The following FAT3 variants were observed in gnomAD, a reference collection of about 807,000 sequenced individuals.
The protein encoded by FAT3 is protocadherin Fat 3.
Under a neutral mutation model 310.2 loss-of-function variants are expected in FAT3, and 95 were observed. The ratio of observed to expected loss-of-function variants is 0.31; its 90% CI spans 0.26 to 0.36. FAT3 has a LOEUF of 0.36. FAT3 is among the 10% of genes least tolerant of loss of function. The pLI is 1.00. For missense variants in FAT3, 5,408 were observed against 5,715.6 expected (o/e 0.95, Z 1.74); for synonymous variants, 2,314 against 2,192.9 (o/e 1.06, Z -1.54).
In FAT3 at chr11:92,801,922, C is replaced by G. The variant is rs755860480; in HGVS notation, c.8896+13C>G. 1.2e-6 allele frequency: 2 copies of G among 1,604,408 alleles called. No homozygotes were observed. Among genetic ancestry groups the G allele is most frequent in the African/African-American group, 2.7e-5 (2 of 74,668 alleles). On this transcript the variant is annotated intron_variant, in intron 10 of 27. Transcript: ENST00000525166. ...TACCATATTACAGGTGAGTAAATAC[C>G]CCCAGTTTTCATTATGTGCACTGCT...
intron 2 of FAT3, among the ~76,000 whole-genome samples, chr11:92,519,776 A>G (rs961537245): frequency 5.9e-5 from 9 of 152,142 alleles, no homozygotes; most frequent in Non-Finnish European, 8.8e-5. Flanking sequence ...ACTTTTAAAG[A>G]TGCTTAACAT....
chr11:92,785,713 A>G (rs917788230), intron 7 of FAT3, among the ~76,000 whole-genome samples: 3 of 152,178 alleles, frequency 2.0e-5, no homozygotes, highest in African/African-American at 7.2e-5. Flanking sequence ...AACAAATGAA[A>G]AAAGACAAAC....
intron 2 of FAT3, among the ~76,000 whole-genome samples, chr11:92,467,711 G>A (rs985509683): frequency 5.3e-5 from 8 of 152,162 alleles, no homozygotes; most frequent in African/African-American, 1.9e-4. Context: ...TTGATGATGG[G>A]TGTTGCTGAG....
In FAT3 at chr11:92,355,078, G is replaced by A. The variant is rs1262544926; in HGVS notation, c.2966G>A (p.Ser989Asn). Residue 989 changes from serine (S) to asparagine (N), a missense_variant, in exon 2 of 28, where the codon AGT becomes AAT. Ser to Asn is a conservative substitution (Grantham distance 46). Transcript: ENST00000525166. ...YNGRFEIDKA[S>N]GAIRLSKELD... ...GGGAGATTTGAAATAGATAAAGCAAGTGGTGCCATCCGCTTGAGCAAAGAG... is the reference window on the plus strand; with the variant it reads ...GGGAGATTTGAAATAGATAAAGCAAATGGTGCCATCCGCTTGAGCAAAGAG... 3.1e-6 allele frequency: 5 copies of A among 1,613,622 alleles called. No homozygotes were observed. The highest frequency in any genetic ancestry group is 2.2e-5 in the South Asian group (2 of 91,082).
chr11:92,681,433 G>A (rs1020450097), intron 3 of FAT3, among the ~76,000 whole-genome samples: 5 of 152,192 alleles, frequency 3.3e-5, no homozygotes, highest in Admixed American at 1.3e-4. Flanking sequence ...GGAAGGTCAA[G>A]GGCAAAGGCT....
At position 92,566,010 on chromosome 11, in the gene FAT3, C is replaced by G. The variant is rs184847434; in HGVS notation, c.3607+41062C>G. ...GATGCCCTCTCTCACCACTCCTATT[C>G]AACATAGTCTTGGAAGTTCTGGCTA... is the stretch of plus-strand genomic sequence containing the variant. On this transcript the variant is annotated intron_variant, in intron 3 of 27. Coordinates refer to ENST00000525166, the MANE Select transcript of FAT3 (RefSeq NM_001367949.2). 7.3e-4 allele frequency among the ~76,000 whole-genome samples: 111 copies of G among 152,262 alleles called. 1 individual carries two copies. The highest frequency in any genetic ancestry group is 2.3e-3 in the African/African-American group (96 of 41,536).
chr11:92,737,536 T>C (rs1326218499), intron 4 of FAT3, among the ~76,000 whole-genome samples: 1 of 152,006 alleles, frequency 6.6e-6, no homozygotes, highest in Non-Finnish European at 1.5e-5. Flanking sequence ...TGTGTGTGTG[T>C]CTGTGTGTGT....
At chr11:92,705,431 T>TG (rs1277614457) in intron 4 of FAT3, among the ~76,000 whole-genome samples, 1 of 63,192 alleles carries the variant, frequency 1.6e-5, no homozygotes, top group Non-Finnish European at 3.2e-5. Flanking sequence ...GTGGTGGTGG[T>TG]GGTGATGGTG....
intron 1 of FAT3, among the ~76,000 whole-genome samples, chr11:92,311,984 TAAAC>T (rs766007146): frequency 2.0e-5 from 3 of 151,614 alleles, no homozygotes; most frequent in African/African-American, 4.9e-5. Context: ...TGAGTAAAAA[TAAAC>T]AAGGAAAAAA....
intron 3 of FAT3, among the ~76,000 whole-genome samples, chr11:92,572,553 G>C (rs1329066333): frequency 1.3e-5 from 2 of 152,154 alleles, no homozygotes; most frequent in Non-Finnish European, 2.9e-5. Flanking sequence ...TAATGATAGA[G>C]TGAAATGGAA....
chr11:92,546,512 G>A (rs1474501717), intron 3 of FAT3, among the ~76,000 whole-genome samples: 1 of 152,130 alleles, frequency 6.6e-6, no homozygotes, highest in African/African-American at 2.4e-5. Flanking sequence ...GGAGGTTGAG[G>A]CCATAATTAA....
intron 2 of FAT3, among the ~76,000 whole-genome samples, chr11:92,361,026 G>T (rs11823577): frequency 0.18 from 27,461 of 152,118 alleles, 2,553 homozygotes; most frequent in African/African-American, 0.22. Context: ...ACAAACAATT[G>T]TGAAACTTCA....
intron 2 of FAT3, among the ~76,000 whole-genome samples, chr11:92,513,358 T>G (rs1176318920): frequency 6.6e-6 from 1 of 152,144 alleles, no homozygotes; most frequent in Non-Finnish European, 1.5e-5. Context: ...TTAAGAATCT[T>G]ATACAGGTCC....
intron 3 of FAT3, among the ~76,000 whole-genome samples, chr11:92,537,318 G>A (rs1954293829): frequency 6.6e-6 from 1 of 152,138 alleles, no homozygotes; most frequent in African/African-American, 2.4e-5. Flanking sequence ...TCAGGTCTTG[G>A]TGACTTGGAG....
At chr11:92,285,398 A>G (rs1188960929) in intron 1 of FAT3, among the ~76,000 whole-genome samples, 1 of 152,196 alleles carries the variant, frequency 6.6e-6, no homozygotes, top group Non-Finnish European at 1.5e-5. Flanking sequence ...TAGTCGTTCT[A>G]TTGTGGAAAA....
At position 92,616,638 on chromosome 11, in the gene FAT3, T is replaced by C. The variant is rs142818196; in HGVS notation, c.3608-80746T>C. Among the ~76,000 whole-genome samples the C allele has an allele frequency of 5.1e-3, 775 of 152,348 alleles. 8 individuals are homozygous for C. The highest frequency in any genetic ancestry group is 0.018 in the African/African-American group (734 of 41,582). On this transcript the variant is annotated intron_variant, in intron 3 of 27. Transcript: ENST00000525166. ...ACCGGTTGTTCCTTTCCATGTTTAG[T>C]GCTTCCTTCAGGAGCTCTTGTAAGG...
rs945768492 is a variant in FAT3 at position 92,794,789 on chromosome 11, A to G, written c.4822+1812A>G. Among the ~76,000 whole-genome samples the G allele has an allele frequency of 1.6e-4, 24 of 152,342 alleles. 1 individual carries two copies. The South Asian group carries it at 2.5e-3, about 16-fold the overall frequency. On this transcript the variant is annotated intron_variant, in intron 9 of 27. Coordinates refer to ENST00000525166, the MANE Select transcript of FAT3 (RefSeq NM_001367949.2). ...ATGTAAGAAACTATTGAGGATTACAATGTTCACAATAAATCTCAAATGACC... is the reference window on the plus strand; with the variant it reads ...ATGTAAGAAACTATTGAGGATTACAGTGTTCACAATAAATCTCAAATGACC...
At chr11:92,652,965 C>T (rs1342085838) in intron 3 of FAT3, among the ~76,000 whole-genome samples, 1 of 152,090 alleles carries the variant, frequency 6.6e-6, no homozygotes, top group Non-Finnish European at 1.5e-5. Context: ...GAGTTCGAGA[C>T]CAGACTGGCC....
chr11:92,589,686 C>G (rs963613210), intron 3 of FAT3, among the ~76,000 whole-genome samples: 2 of 151,938 alleles, frequency 1.3e-5, no homozygotes, highest in South Asian at 2.1e-4. Context: ...CGCTCTCCCC[C>G]ACACCCCGCC....
Sources: gnomAD v4.1 joint callset for allele counts (sites outside exome capture counted in the v4.1 genomes callset) on GRCh38, gnomAD v4.1.1 for gene constraint, MANE v1.5 for transcripts, NCBI Gene and HGNC (gene_info 2026-07-23, HGNC 2026-07-21) for gene names.